Variants in SYT16 observed in about 807,000 individuals in gnomAD.
The protein encoded by SYT16 is synaptotagmin-16.
SYT16 carries 42 observed loss-of-function variants against 61.4 expected under a neutral mutation model. That is an observed-to-expected ratio of 0.68 (90% CI 0.53 to 0.89). The LOEUF (loss-of-function observed/expected upper bound fraction) is 0.89, where lower values mean the gene tolerates loss of function less well. Ranked by LOEUF, SYT16 falls within the 40% of genes least tolerant of loss-of-function variation. The pLI, the probability that SYT16 is intolerant of heterozygous loss-of-function variation, is 0.00. For synonymous variants in SYT16, 314 were observed against 302.3 expected (o/e 1.04, Z -0.40); for missense variants, 804 against 807.3 (o/e 1.00, Z 0.05).
chr14:62,052,434 A>G (rs1329248042), intron 3 of SYT16, among the ~76,000 whole-genome samples: 2 of 152,180 alleles, frequency 1.3e-5, no homozygotes, highest in Non-Finnish European at 2.9e-5. Flanking sequence ...GTCTAATTGT[A>G]GCTCTGAAGC....
intron 3 of SYT16, among the ~76,000 whole-genome samples, chr14:62,020,617 C>G (rs147456636): frequency 6.6e-6 from 1 of 152,334 alleles, no homozygotes; most frequent in East Asian, 1.9e-4. Context: ...TTCCCTCTCT[C>G]CAATTCGTTT....
intron 3 of SYT16, among the ~76,000 whole-genome samples, chr14:62,021,861 A>T (rs2053921935): frequency 6.6e-6 from 1 of 152,098 alleles, no homozygotes. Flanking sequence ...TTTTAGCTGA[A>T]ATTCTTCCTA....
At chr14:62,067,635 A>G (rs2056116019) in intron 3 of SYT16, among the ~76,000 whole-genome samples, 1 of 152,022 alleles carries the variant, frequency 6.6e-6, no homozygotes, top group Admixed American at 6.6e-5. Flanking sequence ...AGAAGAGGAA[A>G]CTCTAGCATA....
At chr14:62,029,504 ATTTG>A (rs1595198257) in intron 3 of SYT16, among the ~76,000 whole-genome samples, 2 of 152,294 alleles carry the variant, frequency 1.3e-5, no homozygotes, top group East Asian at 3.9e-4. Flanking sequence ...TATGGAGATC[ATTTG>A]GAACTCTAAA....
chr14:61,898,041 T>C (rs187881093), intron 1 of SYT16, among the ~76,000 whole-genome samples: 59 of 152,310 alleles, frequency 3.9e-4, no homozygotes, highest in African/African-American at 1.4e-3. Context: ...ATGACTAGAT[T>C]AATATTCTGG....
intron 1 of SYT16, among the ~76,000 whole-genome samples, chr14:61,898,083 G>T (rs566422979): frequency 6.6e-6 from 1 of 152,190 alleles, no homozygotes; most frequent in East Asian, 1.9e-4. Context: ...CATCCCTAGC[G>T]CCCGTTACCC....
chr14:61,910,031 T>G (rs2048867475), intron 1 of SYT16, among the ~76,000 whole-genome samples: 1 of 152,212 alleles, frequency 6.6e-6, no homozygotes, highest in Non-Finnish European at 1.5e-5. Context: ...TTGCATTCAT[T>G]TAAAGGTCAG....
chr14:62,028,388 A>C (rs1176905273), intron 3 of SYT16, among the ~76,000 whole-genome samples: 3 of 152,218 alleles, frequency 2.0e-5, no homozygotes, highest in Admixed American at 2.0e-4. Context: ...TGTAAATACT[A>C]TTAACTCCAT....
intron 7 of SYT16, among the ~76,000 whole-genome samples, chr14:62,090,078 T>G (rs1004995820): frequency 1.4e-4 from 21 of 152,370 alleles, no homozygotes; most frequent in Non-Finnish European, 2.6e-4. Context: ...AAGCTAGTGT[T>G]ACAGATATAC....
At chr14:62,062,439 G>A (rs959815226) in intron 3 of SYT16, among the ~76,000 whole-genome samples, 1 of 152,108 alleles carries the variant, frequency 6.6e-6, no homozygotes, top group African/African-American at 2.4e-5. Flanking sequence ...ATTGAAAAGG[G>A]TGCAGAGCCC....
At chr14:61,966,852 C>T (rs960150072) in intron 1 of SYT16, among the ~76,000 whole-genome samples, 2 of 152,164 alleles carry the variant, frequency 1.3e-5, no homozygotes, top group South Asian at 2.1e-4. Flanking sequence ...TTTTCACTGA[C>T]AGGCACATTG....
intron 1 of SYT16, among the ~76,000 whole-genome samples, chr14:61,815,152 G>A (rs991490931): frequency 6.6e-6 from 1 of 152,156 alleles, no homozygotes; most frequent in African/African-American, 2.4e-5. Flanking sequence ...TAAGTCTGGG[G>A]TGCATCCTGA....
Position 62,107,578 on chromosome 14 carries a change from A to T in SYT16, c.*6871A>T, listed in dbSNP as rs554509175. The T allele has an allele frequency of 3.3e-5, 5 of 152,336 alleles. No homozygotes were observed. The East Asian group carries it at 9.6e-4, about 29-fold the overall frequency. 9.4% of individuals were successfully genotyped at this position (152,336 alleles called of 1,614,324 possible). A position where few individuals can be genotyped will look rare whatever the true frequency, so the allele number is the denominator to read the frequency against. The stretch of plus-strand genomic sequence containing the variant: ...TATTCTTTTTAAAAACTAGAGTCTG[A>T]TAAGAAATCTAGGTAAATAATAAGA... On this transcript the variant is annotated 3_prime_UTR_variant, in exon 8 of 8. Transcript: ENST00000683842.
intron 3 of SYT16, among the ~76,000 whole-genome samples, chr14:62,039,404 G>C (rs1410822519): frequency 6.6e-6 from 1 of 152,190 alleles, no homozygotes; most frequent in Non-Finnish European, 1.5e-5. Context: ...AGCTAAGAAG[G>C]CCCTAAAATC....
chr14:61,876,696 G>T lies in SYT16; in HGVS notation c.-325+63886G>T, dbSNP rs1463662800. Among the ~76,000 whole-genome samples, 3 of 152,168 alleles carry T rather than the reference G, an allele frequency of 2.0e-5. No individual in the cohort carries two copies. The East Asian group carries it at 5.8e-4, about 29-fold the overall frequency. ...ATGTTCCTTTCCTTGTACCCAAAAAGAACAGGACCAAGTCTTTCTGAAAAT... is the reference window on the plus strand; with the variant it reads ...ATGTTCCTTTCCTTGTACCCAAAAATAACAGGACCAAGTCTTTCTGAAAAT... On this transcript the variant is annotated intron_variant, in intron 1 of 7. Transcript: ENST00000683842.
chr14:62,072,226 T>A (rs1464331559), intron 4 of SYT16, among the ~76,000 whole-genome samples: 2 of 152,196 alleles, frequency 1.3e-5, no homozygotes, highest in Non-Finnish European at 2.9e-5. Context: ...TACTCTGGTG[T>A]CCTCAAAACC....
intron 3 of SYT16, among the ~76,000 whole-genome samples, chr14:62,019,929 A>G (rs1489565889): frequency 6.6e-6 from 1 of 152,256 alleles, no homozygotes; most frequent in Non-Finnish European, 1.5e-5. Context: ...TAATGCTGCC[A>G]GAAGGCCTGG....
chr14:61,837,199 A>G (rs1299215946), intron 1 of SYT16, among the ~76,000 whole-genome samples: 1 of 148,578 alleles, frequency 6.7e-6, no homozygotes, highest in Non-Finnish European at 1.5e-5. Context: ...ATCCTAACAG[A>G]TTTCCATGAT....
In SYT16 at chr14:62,105,040, A is replaced by C. The variant is rs963164669; in HGVS notation, c.*4333A>C. The stretch of plus-strand genomic sequence containing the variant: ...CAGATACTGTAACAAGGATAGGCTC[A>C]TGAAGCCAGGCTGGATTCGTAAATA... On this transcript the variant is annotated 3_prime_UTR_variant, in exon 8 of 8. Transcript: ENST00000683842. 6.6e-6 allele frequency: 1 copy of C among 152,258 alleles called. No individual in the cohort carries two copies. Among genetic ancestry groups the C allele is most frequent in the African/African-American group, 2.4e-5 (1 of 41,470 alleles). The allele number at this position is 152,258 out of a possible 1,614,324, so 9.4% of individuals were successfully genotyped here.
Sources: allele counts gnomAD v4.1 joint callset (sites outside exome capture counted in the v4.1 genomes callset), GRCh38; gene constraint gnomAD v4.1.1; transcripts MANE v1.5; gene names NCBI Gene and HGNC (gene_info 2026-07-23, HGNC 2026-07-21).